Variants in TRIM26 observed in about 807,000 individuals in gnomAD.
The protein encoded by TRIM26 is tripartite motif containing 26, also known as tripartite motif-containing protein 26.
A neutral mutation model predicts 45.5 loss-of-function variants in TRIM26; 16 were observed. The ratio of observed to expected loss-of-function variants is 0.35; its 90% confidence interval spans 0.24 to 0.53. The LOEUF is 0.53. Ranked by LOEUF, TRIM26 falls within the 20% of genes least tolerant of loss-of-function variation. The pLI, the probability that TRIM26 is intolerant of heterozygous loss-of-function variation, is 0.92. For missense variants in TRIM26, 442 were observed against 691.1 expected (o/e 0.64, Z 4.04); for synonymous variants, 273 against 290.4 (o/e 0.94, Z 0.61).
At chr6:30,208,999 C>A (rs1778014342) in intron 1 of TRIM26, among the ~76,000 whole-genome samples, 1 of 150,590 alleles carries the variant, frequency 6.6e-6, no homozygotes. Flanking sequence ...CAATAACAGG[C>A]CAAGGAATCC....
chr6:30,206,505 T>C lies in TRIM26; in HGVS notation c.-375-1740A>G, dbSNP rs147923144. Among the ~76,000 whole-genome samples the C allele has an allele frequency of 4.4e-3, 677 of 152,390 alleles. 2 individuals carry two copies. The highest frequency in any genetic ancestry group is 0.011 in the African/African-American group (477 of 41,594). On this transcript the variant is annotated intron_variant, in intron 1 of 9. Coordinates refer to ENST00000454678, the MANE Select transcript of TRIM26 (RefSeq NM_003449.5). ...AAGGCGTTAAATTGCCCTGGTCTTG[T>C]GGCTGACCCACAGGGGAAAATTGAG...
rs921531019 is a variant in TRIM26 at position 30,209,607 on chromosome 6, T to C, written c.-376+3698A>G. On this transcript the variant is annotated intron_variant, in intron 1 of 9. Coordinates refer to ENST00000454678, the MANE Select transcript of TRIM26 (RefSeq NM_003449.5). The surrounding 1 kb of genome is among the most constrained non-coding windows in gnomAD (Gnocchi z 4.8). ...AGAAAATGGATTAAGACAAATAGCATCTTAGATTTGGTGAGATGTGGCATA... is the reference window on the plus strand; with the variant it reads ...AGAAAATGGATTAAGACAAATAGCACCTTAGATTTGGTGAGATGTGGCATA... Among the ~76,000 whole-genome samples, 1 of 152,108 alleles carries C rather than the reference T, an allele frequency of 6.6e-6. No individual in the cohort carries two copies. The highest frequency in any genetic ancestry group is 2.4e-5 in the African/African-American group (1 of 41,434).
At chr6:30,213,131 A>C (rs567369832) in intron 1 of TRIM26, among the ~76,000 whole-genome samples, 174 bp downstream of exon 1, 10 of 152,176 alleles carry the variant, frequency 6.6e-5, no homozygotes, top group Non-Finnish European at 1.0e-4. Context: ...ACAAGCAAAC[A>C]GGAGGGATCT....
rs1006340009 is a variant in TRIM26 at position 30,196,537 on chromosome 6, C to T, written c.744G>A (p.Gln248=). Residue 248 remains glutamine, a synonymous_variant, in exon 6 of 10, where the codon CAG becomes CAA. Coordinates refer to ENST00000454678, the MANE Select transcript of TRIM26 (RefSeq NM_003449.5). This position sits in a 1 kb window ranked among gnomAD's most constrained non-coding sequence, Gnocchi z 4.9. ...VISELEGKAQ[Q]PAAELMQDTR... is the part of the protein sequence containing the mutation. ...TCACCTGCATGAGCTCTGCAGCTGG[C>T]TGCTGCGCCTTGCCCTCCAGTTCGG... is the stretch of plus-strand genomic sequence containing the variant. 6.2e-7 allele frequency: 1 copy of T among 1,609,300 alleles called. No individual in the cohort carries two copies. Among genetic ancestry groups the T allele is most frequent in the Non-Finnish European group, 8.5e-7 (1 of 1,180,010 alleles).
Position 30,209,944 on chromosome 6 carries a change from C to T in TRIM26, c.-376+3361G>A, listed in dbSNP as rs145605181. ...ACAGGTGGCCGGGCACGGTGCCTCA[C>T]GCCTGTAATCCCAGCACTTTGGGAG... On this transcript the variant is annotated intron_variant, in intron 1 of 9. Coordinates refer to ENST00000454678, the MANE Select transcript of TRIM26 (RefSeq NM_003449.5). The surrounding 1 kb of genome is among the most constrained non-coding windows in gnomAD (Gnocchi z 4.8). Among the ~76,000 whole-genome samples the T allele has an allele frequency of 3.9e-5, 6 of 152,226 alleles. No homozygotes were observed. The highest frequency in any genetic ancestry group is 2.1e-4 in the South Asian group (1 of 4,830).
intron 2 of TRIM26, among the ~76,000 whole-genome samples, chr6:30,204,058 A>C (rs1231448825): frequency 6.6e-6 from 1 of 152,214 alleles, no homozygotes; most frequent in African/African-American, 2.4e-5. Flanking sequence ...AATTGCAGAC[A>C]ATGTTAGTTG....
chr6:30,194,883 G>A lies in TRIM26; in HGVS notation c.765+1633C>T, dbSNP rs142218194. On this transcript the variant is annotated intron_variant, in intron 6 of 9. Transcript: ENST00000454678. ...TGCACTCCAGCCTGGGAGACAGAGC[G>A]AGACTCTGTCTCAAAAATAAACAAA... 2.6e-3 allele frequency among the ~76,000 whole-genome samples: 396 copies of A among 152,182 alleles called. 7 individuals carry two copies. The East Asian group carries it at 0.045, about 17-fold the overall frequency.
Position 30,186,157 on chromosome 6 carries a change from T to G in TRIM26, c.1339A>C (p.Lys447Gln). ...CMVGVARDSV[K>Q]RKGDLSLRPE... Reference sequence around the variant, plus strand: ...CGCAGGGAGAGGTCTCCCTTCCTCTTCACAGAGTCTCTAGCCACCCCCACC... The same window carrying G: ...CGCAGGGAGAGGTCTCCCTTCCTCTGCACAGAGTCTCTAGCCACCCCCACC... Residue 447 changes from lysine (K) to glutamine (Q), a missense_variant, in exon 10 of 10, where the codon AAG (lysine) becomes CAG (glutamine). Lys to Gln is a moderately conservative substitution (Grantham distance 53). Coordinates refer to ENST00000454678, the MANE Select transcript of TRIM26 (RefSeq NM_003449.5). The surrounding 1 kb of genome is among the most constrained non-coding windows in gnomAD (Gnocchi z 7.4). The G allele has an allele frequency of 6.3e-7, 1 of 1,595,502 alleles. No individual in the cohort carries two copies. Among genetic ancestry groups the G allele is most frequent in the Non-Finnish European group, 8.5e-7 (1 of 1,170,574 alleles).
intron 5 of TRIM26, among the ~76,000 whole-genome samples, chr6:30,197,608 G>A (rs770628726): frequency 6.6e-6 from 1 of 152,122 alleles, no homozygotes; most frequent in Non-Finnish European, 1.5e-5. Flanking sequence ...AGTGGGTGAT[G>A]GGTTCCAGGA....
chr6:30,187,362 G>C (rs189771924), intron 9 of TRIM26: 1 of 328,744 alleles, frequency 3.0e-6, no homozygotes, highest in East Asian at 8.7e-5. Flanking sequence ...TCAGGCATTC[G>C]GCAACTCCTG....
chr6:30,203,202 C>T (rs1292686026), intron 2 of TRIM26, among the ~76,000 whole-genome samples: 1 of 151,844 alleles, frequency 6.6e-6, no homozygotes, highest in Non-Finnish European at 1.5e-5. Flanking sequence ...TACTACCACA[C>T]TTGGCTAATT....
At chr6:30,213,214 C>G (rs1031425791) in intron 1 of TRIM26, 91 bp downstream of exon 1, 3 of 152,394 alleles carry the variant, frequency 2.0e-5, no homozygotes, top group African/African-American at 7.2e-5. Context: ...GTTTTGAACC[C>G]GGGCCCGGCG....
chr6:30,185,777 C>T lies in TRIM26; in HGVS notation c.*99G>A. ...CCAGTGGATATGGGGTCCCCTGCTC[C>T]AGGTGCTTAGGCCAGGCATCCCGTC... is the stretch of plus-strand genomic sequence containing the variant. On this transcript the variant is annotated 3_prime_UTR_variant, in exon 10 of 10. Transcript: ENST00000454678. The surrounding 1 kb of genome is among the most constrained non-coding windows in gnomAD (Gnocchi z 5.7). The T allele has an allele frequency of 7.2e-7, 1 of 1,388,890 alleles. No homozygotes were observed. The highest frequency in any genetic ancestry group is 9.7e-7 in the Non-Finnish European group (1 of 1,027,072). The allele number at this position is 1,388,890 out of a possible 1,614,324, so 86.0% of individuals were successfully genotyped here. A position where few individuals can be genotyped will look rare whatever the true frequency, so the allele number is the denominator to read the frequency against.
Position 30,190,137 on chromosome 6 carries a change from A to C in TRIM26, c.766-102T>G. The C allele has an allele frequency of 7.7e-7, 1 of 1,299,858 alleles. No homozygotes were observed. Among genetic ancestry groups the C allele is most frequent in the Non-Finnish European group, 1.1e-6 (1 of 911,246 alleles). 80.5% of individuals were successfully genotyped at this position (1,299,858 alleles called of 1,614,324 possible). ...GCAGAGATGGGACATATCAGTGAAC[A>C]AAACAAATGTGGTCCCTTTTTTATG... is the stretch of plus-strand genomic sequence containing the variant. On this transcript the variant is annotated intron_variant, in intron 6 of 9. Transcript: ENST00000454678. This position sits in a 1 kb window ranked among gnomAD's most constrained non-coding sequence, Gnocchi z 4.3.
chr6:30,199,138 G>A lies in TRIM26; in HGVS notation c.-35C>T, dbSNP rs774011668. ...AGTTCAGAGAGGTCTCCGTTCACTGGTGAGGACTTCTTCTCCTTGGAGACG... is the reference window on the plus strand; with the variant it reads ...AGTTCAGAGAGGTCTCCGTTCACTGATGAGGACTTCTTCTCCTTGGAGACG... On this transcript the variant is annotated 5_prime_UTR_variant, in exon 4 of 10. Transcript: ENST00000454678. 1.3e-6 allele frequency: 2 copies of A among 1,519,194 alleles called. No homozygotes were observed. The highest frequency in any genetic ancestry group is 1.4e-5 in the African/African-American group (1 of 72,126). 94.1% of individuals were successfully genotyped at this position (1,519,194 alleles called of 1,614,324 possible).
In TRIM26 at chr6:30,198,348, C is replaced by G. The variant is rs113823461; in HGVS notation, c.534+81G>C. On this transcript the variant is annotated intron_variant, in intron 5 of 9. Transcript: ENST00000454678. The surrounding 1 kb of genome is among the most constrained non-coding windows in gnomAD (Gnocchi z 6.3). ...GTGAGCAGCGCCTAGAAACACCTCC[C>G]AGCTGCCGCCTACTTGCCCAGGCTC... 2 of 1,507,624 alleles carry G rather than the reference C, an allele frequency of 1.3e-6. No homozygotes were observed. The highest frequency in any genetic ancestry group is 1.8e-6 in the Non-Finnish European group (2 of 1,089,720). 93.4% of individuals were successfully genotyped at this position (1,507,624 alleles called of 1,614,324 possible). A position where few individuals can be genotyped will look rare whatever the true frequency, so the allele number is the denominator to read the frequency against.
chr6:30,186,218 C>T lies in TRIM26; in HGVS notation c.1278G>A (p.Glu426=), dbSNP rs1307301220. Residue 426 remains glutamate (E), a synonymous_variant, in exon 10 of 10, where the codon GAG becomes GAA. Coordinates refer to ENST00000454678, the MANE Select transcript of TRIM26 (RefSeq NM_003449.5). The surrounding 1 kb of genome is among the most constrained non-coding windows in gnomAD (Gnocchi z 7.4). ...CCAGAACTTCCTCCTCTTCCTCCTC[C>T]TCTTCTTCCTCTTCATCGCCCAACG... The part of the protein sequence containing the change: ...EESLGDEEEE[E]EEEEEEVLES... 1.9e-6 allele frequency: 3 copies of T among 1,596,190 alleles called. No homozygotes were observed. Among genetic ancestry groups the T allele is most frequent in the Non-Finnish European group, 2.6e-6 (3 of 1,171,042 alleles).
chr6:30,200,915 A>C (rs775912494), intron 3 of TRIM26, 120 bp downstream of exon 3: 6 of 152,300 alleles, frequency 3.9e-5, no homozygotes, highest in African/African-American at 7.2e-5. Context: ...AAATCCAGTG[A>C]GTGTCCAAAC....
At chr6:30,212,013 G>C (rs1000407444) in intron 1 of TRIM26, among the ~76,000 whole-genome samples, 1 of 152,198 alleles carries the variant, frequency 6.6e-6, no homozygotes, top group African/African-American at 2.4e-5. Flanking sequence ...GAGTGGAAAA[G>C]AGACTAACTG....
Sources: gnomAD v4.1 joint callset for allele counts (sites outside exome capture counted in the v4.1 genomes callset) on GRCh38, gnomAD v4.1.1 for gene constraint, Gnocchi (gnomAD v3.1) non-coding constraint, MANE v1.5 for transcripts, NCBI Gene and HGNC (gene_info 2026-07-23, HGNC 2026-07-21) for gene names.